The following TSNARE1 variants were observed in gnomAD, a reference collection of about 807,000 sequenced individuals.
TSNARE1 encodes t-SNARE domain-containing protein 1.
Under a neutral mutation model 62.0 loss-of-function variants are expected in TSNARE1, and 49 were observed. That is an observed-to-expected ratio of 0.79 (90% confidence interval 0.63 to 1.00). The LOEUF is 1.00. Ranked by LOEUF, TSNARE1 falls within the 50% of genes least tolerant of loss-of-function variation. The pLI, the probability that TSNARE1 is intolerant of heterozygous loss-of-function variation, is 0.00. For synonymous variants in TSNARE1, 328 were observed against 294.4 expected, an observed-to-expected ratio of 1.11 and a Z score of -1.17; for missense variants, 755 against 700.1, an observed-to-expected ratio of 1.08 and a Z score of -0.88.
chr8:142,306,044 G>T (rs1563875094), intron 9 of TSNARE1, among the ~76,000 whole-genome samples: 1 of 152,202 alleles, frequency 6.6e-6, no homozygotes, highest in Non-Finnish European at 1.5e-5. Context: ...AGGGGCCAGG[G>T]CAAGAGGCGC....
intron 12 of TSNARE1, chr8:142,270,137 G>A (rs1207206508): frequency 1.0e-6 from 1 of 985,334 alleles, no homozygotes; most frequent in Non-Finnish European, 1.2e-6. Flanking sequence ...TCCCGCTCCT[G>A]CTCGCTCCCG....
At chr8:142,282,493 C>G (rs1283904425) in intron 11 of TSNARE1, among the ~76,000 whole-genome samples, 4 of 151,290 alleles carry the variant, frequency 2.6e-5, no homozygotes, top group Admixed American at 6.6e-5. Flanking sequence ...AGAGCAAAGG[C>G]GGGGTCAGTG....
chr8:142,382,342 G>A (rs1019274717), intron 1 of TSNARE1, among the ~76,000 whole-genome samples: 8 of 152,196 alleles, frequency 5.3e-5, no homozygotes, highest in Non-Finnish European at 1.2e-4. Flanking sequence ...GCACAAATGG[G>A]CGGTCAGAAC....
At chr8:142,227,549 C>A (rs1471794632) in intron 13 of TSNARE1, among the ~76,000 whole-genome samples, 2 of 152,260 alleles carry the variant, frequency 1.3e-5, no homozygotes, top group Non-Finnish European at 2.9e-5. Context: ...CCAACACCAG[C>A]AGCTCTGGAT....
chr8:142,221,949 T>C, intron 13 of TSNARE1, among the ~76,000 whole-genome samples: 1 of 148,908 alleles, frequency 6.7e-6, no homozygotes, highest in Non-Finnish European at 1.5e-5. Context: ...ACTCACTCAC[T>C]CATCCACTCA....
intron 11 of TSNARE1, among the ~76,000 whole-genome samples, chr8:142,283,759 G>C: frequency 7.6e-6 from 1 of 130,934 alleles, no homozygotes; most frequent in East Asian, 2.2e-4. Context: ...AACGAGCAGA[G>C]GCAGGGACAG....
intron 9 of TSNARE1, among the ~76,000 whole-genome samples, chr8:142,302,264 C>G (rs1300072422): frequency 6.6e-6 from 1 of 152,072 alleles, no homozygotes. Context: ...CCACACACAC[C>G]CCCTGACACA....
chr8:142,388,623 T>C (rs1837275532), intron 1 of TSNARE1, among the ~76,000 whole-genome samples: 1 of 140,712 alleles, frequency 7.1e-6, no homozygotes, highest in Non-Finnish European at 1.5e-5. Flanking sequence ...AGTGGGAGGA[T>C]CTCAGCTCAC....
chr8:142,257,142 G>T (rs745837450), intron 12 of TSNARE1, among the ~76,000 whole-genome samples: 1 of 152,118 alleles, frequency 6.6e-6, no homozygotes, highest in Non-Finnish European at 1.5e-5. Flanking sequence ...ACCTCTCTCC[G>T]AGGGAGGCAA....
intron 9 of TSNARE1, among the ~76,000 whole-genome samples, chr8:142,313,959 A>G (rs558010968): frequency 6.6e-6 from 1 of 152,248 alleles, no homozygotes; most frequent in South Asian, 2.1e-4. Context: ...TTGTATTTTT[A>G]GTAGAGATGG....
intron 7 of TSNARE1, 40 bp from the exon 8 acceptor site, chr8:142,315,132 G>C (rs1828321685): frequency 1.2e-6 from 2 of 1,607,184 alleles, no homozygotes. Context: ...GGGAGGCTTG[G>C]CCCTGCCCCA....
chr8:142,326,622 C>T (rs1349083204), intron 6 of TSNARE1, among the ~76,000 whole-genome samples: 4 of 144,060 alleles, frequency 2.8e-5, no homozygotes, highest in Non-Finnish European at 4.5e-5. Flanking sequence ...GGAGGGGCCC[C>T]GGAGAGCATG....
At chr8:142,293,729 G>A (rs1227217227) in intron 10 of TSNARE1, among the ~76,000 whole-genome samples, 1 of 152,198 alleles carries the variant, frequency 6.6e-6, no homozygotes. Context: ...CGGATCGAGG[G>A]TCATCTCCTG....
chr8:142,331,634 G>A (rs915731777), intron 5 of TSNARE1, 120 bp downstream of exon 5: 53 of 966,432 alleles, frequency 5.5e-5, no homozygotes, highest in East Asian at 2.1e-4. Flanking sequence ...CACGAAACCC[G>A]GGACTGCACC....
At chr8:142,367,459 C>T (rs1266489583) in intron 1 of TSNARE1, among the ~76,000 whole-genome samples, 1 of 139,528 alleles carries the variant, frequency 7.2e-6, no homozygotes, top group Non-Finnish European at 1.5e-5. Context: ...ATTCCACTGT[C>T]ATGAGAGGTC....
chr8:142,384,826 A>C (rs1837003028), intron 1 of TSNARE1, among the ~76,000 whole-genome samples: 1 of 152,256 alleles, frequency 6.6e-6, no homozygotes, highest in Admixed American at 6.5e-5. Flanking sequence ...AAAGAAAAAA[A>C]TAGATGGGAT....
chr8:142,233,028 C>G (rs961376325), intron 12 of TSNARE1, among the ~76,000 whole-genome samples: 7 of 152,210 alleles, frequency 4.6e-5, no homozygotes, highest in Non-Finnish European at 1.0e-4. Context: ...AGACAGCCAC[C>G]CTGCAGATGA....
intron 1 of TSNARE1, among the ~76,000 whole-genome samples, chr8:142,386,066 A>C (rs978139756): frequency 6.6e-6 from 1 of 152,118 alleles, no homozygotes; most frequent in African/African-American, 2.4e-5. Flanking sequence ...CCTTCACCAC[A>C]TAGCTCTCAT....
intron 12 of TSNARE1, among the ~76,000 whole-genome samples, chr8:142,262,114 G>A (rs922173708): frequency 5.9e-5 from 9 of 152,184 alleles, no homozygotes; most frequent in East Asian, 1.9e-4. Context: ...TCAGGCCTGC[G>A]GCGACTCCGT....
Sources: gnomAD v4.1 joint callset for allele counts (sites outside exome capture counted in the v4.1 genomes callset) on GRCh38, gnomAD v4.1.1 for gene constraint, MANE v1.5 for transcripts, NCBI Gene and HGNC (gene_info 2026-07-23, HGNC 2026-07-21) for gene names.